SORCS3: variants seen among roughly 807,000 people sequenced by gnomAD.
SORCS3 encodes sortilin related VPS10 domain containing receptor 3.
SORCS3 carries 57 observed loss-of-function variants against 146.3 expected under a neutral mutation model. The ratio of observed to expected loss-of-function variants is 0.39; its 90% confidence interval spans 0.31 to 0.49. The LOEUF (loss-of-function observed/expected upper bound fraction) is 0.49. Among genes scored for constraint, SORCS3 ranks in the 20% least tolerant of loss-of-function variants. The probability of loss-of-function intolerance (pLI) is 0.92; values close to 1 mark genes in which losing one functional copy is unlikely to be tolerated. For synonymous variants in SORCS3, 653 were observed against 618.5 expected, an observed-to-expected ratio of 1.06 and a Z score of -0.83; for missense variants, 1,341 against 1,575.5, an observed-to-expected ratio of 0.85 and a Z score of 2.52.
intron 6 of SORCS3, among the ~76,000 whole-genome samples, chr10:105,104,293 C>T (rs1181250278): frequency 6.6e-6 from 1 of 152,118 alleles, no homozygotes; most frequent in Non-Finnish European, 1.5e-5. Context: ...TTTTAAATTT[C>T]ATTAAATGAA....
intron 1 of SORCS3, among the ~76,000 whole-genome samples, chr10:104,696,580 A>ATT (rs544802080): frequency 0.016 from 969 of 58,872 alleles, 48 homozygotes; most frequent in African/African-American, 0.033. Context: ...TATAATATAT[A>ATT]ATATATATTA....
chr10:104,977,240 TG>T, intron 3 of SORCS3, 94 bp from the exon 4 acceptor site: 1 of 965,940 alleles, frequency 1.0e-6, no homozygotes, highest in East Asian at 2.8e-5. Context: ...TGTGCTATGG[TG>T]TACAAATACA....
chr10:104,898,763 G>A (rs760689215), intron 2 of SORCS3, among the ~76,000 whole-genome samples: 7 of 152,184 alleles, frequency 4.6e-5, no homozygotes, highest in African/African-American at 7.2e-5. Context: ...AGATCTACAG[G>A]AGAGCAGAAC....
chr10:105,072,513 A>G (rs1194953342), intron 5 of SORCS3, among the ~76,000 whole-genome samples: 2 of 152,114 alleles, frequency 1.3e-5, no homozygotes, highest in African/African-American at 4.8e-5. Flanking sequence ...AGTATCTCAC[A>G]GGAGGCTAAC....
chr10:104,843,441 T>C (rs970366633), intron 2 of SORCS3, among the ~76,000 whole-genome samples: 2 of 152,248 alleles, frequency 1.3e-5, no homozygotes, highest in Non-Finnish European at 2.9e-5. Context: ...GACAACTACA[T>C]TAATATCATA....
intron 14 of SORCS3, among the ~76,000 whole-genome samples, chr10:105,195,348 T>A (rs2119602345): frequency 6.6e-6 from 1 of 152,276 alleles, no homozygotes; most frequent in South Asian, 2.1e-4. Flanking sequence ...CTTTTCCTAA[T>A]TCAGAATCAA....
chr10:105,228,137 CATTA>C (rs1037878104), intron 20 of SORCS3, among the ~76,000 whole-genome samples: 18 of 151,868 alleles, frequency 1.2e-4, no homozygotes, highest in Admixed American at 5.9e-4. Flanking sequence ...TCTATCATTT[CATTA>C]ATTAATTTCT....
Position 105,158,926 on chromosome 10 carries a change from C to G in SORCS3, c.1664C>G (p.Ser555Cys), listed in dbSNP as rs934651023. ...TCCTTACATCTGCACCTGCAACTCT[C>G]TGAAAATCCATATTCCTCAGGAAGA... Reference protein sequence around the residue: ...FCSLHLHLQLSENPYSSGRIS... With the variant: ...FCSLHLHLQLCENPYSSGRIS... Residue 555 changes from serine to cysteine, a missense_variant, in exon 11 of 27, where the codon TCT becomes TGT. By Grantham distance (112) the Ser-to-Cys change is moderately radical. Transcript: ENST00000369701. The G allele has an allele frequency of 6.2e-7, 1 of 1,613,192 alleles. No individual in the cohort carries two copies. Among genetic ancestry groups the G allele is most frequent in the Non-Finnish European group, 8.5e-7 (1 of 1,179,298 alleles).
At chr10:105,257,940 AATT>A (rs1232844363) in intron 25 of SORCS3, among the ~76,000 whole-genome samples, 2 of 152,026 alleles carry the variant, frequency 1.3e-5, no homozygotes, top group Non-Finnish European at 2.9e-5. Context: ...AAATGTCATT[AATT>A]ATTGTCAGAT....
At chr10:105,083,068 T>C (rs1473528555) in intron 5 of SORCS3, among the ~76,000 whole-genome samples, 1 of 152,170 alleles carries the variant, frequency 6.6e-6, no homozygotes, top group Admixed American at 6.5e-5. Flanking sequence ...CATAGGATTT[T>C]CATAAATTCA....
At chr10:104,909,306 G>T (rs553108284) in intron 2 of SORCS3, among the ~76,000 whole-genome samples, 225 of 152,246 alleles carry the variant, frequency 1.5e-3, no homozygotes, top group Middle Eastern at 3.4e-3. Context: ...GGGAAGCAAA[G>T]CACAGTGTGC....
intron 4 of SORCS3, among the ~76,000 whole-genome samples, chr10:105,015,563 G>A (rs1269987843): frequency 1.3e-5 from 2 of 152,166 alleles, no homozygotes; most frequent in Middle Eastern, 3.4e-3. Context: ...AACAAGCAAT[G>A]CCTGACAATA....
At chr10:104,823,246 A>G (rs2017895791) in intron 1 of SORCS3, among the ~76,000 whole-genome samples, 1 of 152,086 alleles carries the variant, frequency 6.6e-6, no homozygotes, top group South Asian at 2.1e-4. Context: ...TAAGTTGGAA[A>G]CCACCGCAAC....
intron 1 of SORCS3, among the ~76,000 whole-genome samples, chr10:104,760,625 T>C (rs758770888): frequency 6.6e-5 from 10 of 152,206 alleles, no homozygotes; most frequent in Admixed American, 6.5e-5. Context: ...TTTTCTCAGT[T>C]CCTAGCAAAT....
At chr10:105,221,817 T>C (rs2056704068) in intron 19 of SORCS3, among the ~76,000 whole-genome samples, 1 of 152,148 alleles carries the variant, frequency 6.6e-6, no homozygotes, top group African/African-American at 2.4e-5. Flanking sequence ...AAATTGATGA[T>C]GGTGGAAACC....
At chr10:105,124,777 A>G (rs779205376) in intron 7 of SORCS3, among the ~76,000 whole-genome samples, 1 of 152,134 alleles carries the variant, frequency 6.6e-6, no homozygotes, top group Non-Finnish European at 1.5e-5. Context: ...TCTCGAGGCC[A>G]GGCAAGATTG....
intron 8 of SORCS3, among the ~76,000 whole-genome samples, chr10:105,144,469 A>G (rs1353845467): frequency 1.3e-5 from 2 of 152,176 alleles, no homozygotes; most frequent in Non-Finnish European, 2.9e-5. Flanking sequence ...TTATAAGAAA[A>G]TGTTTCAACA....
At chr10:105,010,522 G>A (rs2055128588) in intron 4 of SORCS3, among the ~76,000 whole-genome samples, 1 of 152,130 alleles carries the variant, frequency 6.6e-6, no homozygotes. Flanking sequence ...AGAAGATCAG[G>A]GAACTATAGC....
intron 15 of SORCS3, among the ~76,000 whole-genome samples, chr10:105,200,387 A>C (rs975286911): frequency 4.6e-5 from 7 of 152,178 alleles, no homozygotes; most frequent in Admixed American, 2.0e-4. Flanking sequence ...CTGGGGTTTT[A>C]GCTCTATCCA....
Sources: allele counts gnomAD v4.1 joint callset (sites outside exome capture counted in the v4.1 genomes callset), GRCh38; gene constraint gnomAD v4.1.1; transcripts MANE v1.5; gene names NCBI Gene and HGNC (gene_info 2026-07-23, HGNC 2026-07-21).